The following RABGAP1 variants were observed in gnomAD, a reference collection of about 807,000 sequenced individuals.
RABGAP1 encodes rab GTPase-activating protein 1.
A neutral mutation model predicts 137.6 loss-of-function variants in RABGAP1; 23 were observed. The ratio of observed to expected loss-of-function variants is 0.17; its 90% CI spans 0.12 to 0.24. RABGAP1 has a LOEUF of 0.24. Among genes scored for constraint, RABGAP1 ranks in the 10% least tolerant of loss-of-function variants. The pLI, the probability that RABGAP1 is intolerant of heterozygous loss-of-function variation, is 1.00. For missense variants in RABGAP1, 906 were observed against 1,275.8 expected (o/e 0.71, Z 4.42); for synonymous variants, 451 against 450.7 (o/e 1.00, Z -0.01).
At chr9:122,997,077 T>C in intron 8 of RABGAP1, 182 bp from the exon 9 acceptor site, 1 of 593,296 alleles carries the variant, frequency 1.7e-6, no homozygotes, top group Non-Finnish European at 3.0e-6. Flanking sequence ...TACATATAAC[T>C]TCAGGACAGT....
chr9:123,015,479 C>A, intron 11 of RABGAP1, 64 bp from the exon 12 acceptor site: 4 of 1,016,268 alleles, frequency 3.9e-6, no homozygotes, highest in Non-Finnish European at 5.9e-6. Context: ...TCTTAACATT[C>A]CAGTGTTCTT....
rs940944005 is a variant in RABGAP1, at chr9:122,993,332, C to T, written c.924-2709C>T. ...TGTCACTCAGGCTGGAGTGCAATGG[C>T]GTGATCTTGGCTCATTGCAACCTCC... On this transcript the variant is annotated intron_variant, in intron 6 of 25. Coordinates refer to ENST00000373647, the MANE Select transcript of RABGAP1 (RefSeq NM_012197.4). Among the ~76,000 whole-genome samples, 10 of 152,070 alleles carry T rather than the reference C, an allele frequency of 6.6e-5. No individual in the cohort carries two copies. In the South Asian group the frequency reaches 1.0e-3, roughly 16 times the overall value.
chr9:123,095,025 AGTTGT>A (rs1350298489), intron 21 of RABGAP1, among the ~76,000 whole-genome samples: 2 of 151,470 alleles, frequency 1.3e-5, no homozygotes, highest in Non-Finnish European at 2.9e-5. Context: ...GAAGTTTATC[AGTTGT>A]GTTGATCTTT....
intron 1 of RABGAP1, among the ~76,000 whole-genome samples, chr9:122,956,146 T>C (rs954823626): frequency 6.6e-6 from 1 of 152,210 alleles, no homozygotes; most frequent in Non-Finnish European, 1.5e-5. Flanking sequence ...AGCTGAGTTC[T>C]AAGAAACTGT....
chr9:123,034,600 C>T, intron 13 of RABGAP1: 1 of 1,611,792 alleles, frequency 6.2e-7, no homozygotes, highest in South Asian at 1.1e-5. Flanking sequence ...TCAGAGCAGC[C>T]ACCCTTTTTG....
At chr9:122,944,085 T>C (rs1833784472) in intron 1 of RABGAP1, among the ~76,000 whole-genome samples, 1 of 152,230 alleles carries the variant, frequency 6.6e-6, no homozygotes, top group African/African-American at 2.4e-5. Flanking sequence ...ATAGTTTAAA[T>C]TGGTGCTACA....
chr9:122,967,305 T>C (rs992540107), intron 2 of RABGAP1, among the ~76,000 whole-genome samples: 6 of 152,120 alleles, frequency 3.9e-5, no homozygotes, highest in Admixed American at 1.3e-4. Context: ...GAAATAAATA[T>C]AGACAACTTT....
chr9:123,015,970 G>A (rs2031195207), intron 12 of RABGAP1, among the ~76,000 whole-genome samples: 2 of 152,110 alleles, frequency 1.3e-5, no homozygotes, highest in African/African-American at 4.8e-5. Context: ...TTTAGAGGGT[G>A]TTCACACAAT....
intron 10 of RABGAP1, among the ~76,000 whole-genome samples, chr9:123,003,437 T>A (rs2131844467): frequency 6.6e-6 from 1 of 152,368 alleles, no homozygotes; most frequent in East Asian, 1.9e-4. Flanking sequence ...TAGGATTTAC[T>A]GAAATTAAGC....
At chr9:123,089,096 T>A (rs1027677333) in intron 19 of RABGAP1, among the ~76,000 whole-genome samples, 1 of 152,052 alleles carries the variant, frequency 6.6e-6, no homozygotes, top group Non-Finnish European at 1.5e-5. Context: ...AACAATAATC[T>A]GATGGGGTGA....
intron 10 of RABGAP1, among the ~76,000 whole-genome samples, chr9:123,006,935 A>G (rs985524633): frequency 1.3e-5 from 2 of 151,728 alleles, no homozygotes; most frequent in African/African-American, 2.4e-5. Flanking sequence ...ATATGTTTTT[A>G]TATCTGGTAG....
At chr9:122,956,520 G>A (rs111750876) in intron 1 of RABGAP1, among the ~76,000 whole-genome samples, 3 of 152,054 alleles carry the variant, frequency 2.0e-5, no homozygotes, top group African/African-American at 7.2e-5. Context: ...CGTGGTGGCA[G>A]GCACCTGTAG....
At chr9:123,051,269 C>T (rs1288850245) in intron 13 of RABGAP1, among the ~76,000 whole-genome samples, 1 of 55,800 alleles carries the variant, frequency 1.8e-5, no homozygotes, top group Non-Finnish European at 3.6e-5. Context: ...TTTTTTGAGA[C>T]GGAGTTTCAC....
intron 15 of RABGAP1, among the ~76,000 whole-genome samples, chr9:123,072,858 C>T (rs1463979564): frequency 6.6e-6 from 1 of 152,160 alleles, no homozygotes; most frequent in Non-Finnish European, 1.5e-5. Flanking sequence ...TACATTCACA[C>T]CAATCCTTAA....
chr9:122,954,755 A>G (rs1156470896), intron 1 of RABGAP1, among the ~76,000 whole-genome samples: 3 of 152,228 alleles, frequency 2.0e-5, no homozygotes, highest in Non-Finnish European at 4.4e-5. Flanking sequence ...CAAGGCCCAA[A>G]TTTGTGGCAT....
At chr9:123,090,183 A>G (rs1160519136) in intron 20 of RABGAP1, 92 bp from the exon 21 acceptor site, 1 of 928,148 alleles carries the variant, frequency 1.1e-6, no homozygotes, top group Non-Finnish European at 1.6e-6. Context: ...TTTCCATAGG[A>G]CTTAGAAATT....
intron 2 of RABGAP1, among the ~76,000 whole-genome samples, chr9:122,961,584 A>G (rs1379786075): frequency 6.6e-6 from 1 of 152,214 alleles, no homozygotes; most frequent in Non-Finnish European, 1.5e-5. Context: ...TCCACATGAA[A>G]AATCTTAAGA....
At chr9:122,976,452 T>C (rs1374890023) in intron 2 of RABGAP1, among the ~76,000 whole-genome samples, 1 of 152,238 alleles carries the variant, frequency 6.6e-6, no homozygotes, top group Non-Finnish European at 1.5e-5. Flanking sequence ...ATGTTAGCCC[T>C]TAATGACACT....
chr9:122,936,157 A>G (rs1833384639), upstream of RABGAP1, among the ~76,000 whole-genome samples: 2 of 151,988 alleles, frequency 1.3e-5, no homozygotes, highest in South Asian at 4.2e-4. Context: ...TTGGATTTGT[A>G]TATCATGTTG....
Sources: allele counts gnomAD v4.1 joint callset (sites outside exome capture counted in the v4.1 genomes callset), GRCh38; gene constraint gnomAD v4.1.1; transcripts MANE v1.5; gene names NCBI Gene and HGNC (gene_info 2026-07-23, HGNC 2026-07-21).